Variants in VPS26A observed in about 807,000 individuals in gnomAD.
VPS26A encodes the protein VPS26 retromer complex component A, also known as vacuolar protein sorting-associated protein 26A.
Under a neutral mutation model 42.4 loss-of-function variants are expected in VPS26A, and 22 were observed. The ratio of observed to expected loss-of-function variants is 0.52; its 90% CI spans 0.37 to 0.74. VPS26A has a LOEUF of 0.74. Ranked by LOEUF, VPS26A falls within the 30% of genes least tolerant of loss-of-function variation. The pLI is 0.00. For synonymous variants in VPS26A, 110 were observed against 123.5 expected, an observed-to-expected ratio of 0.89 and a Z score of 0.73; for missense variants, 276 against 379.2, an observed-to-expected ratio of 0.73 and a Z score of 2.26.
intron 6 of VPS26A, among the ~76,000 whole-genome samples, chr10:69,163,766 C>CTTTTT (rs869154106): frequency 3.1e-4 from 42 of 133,602 alleles, no homozygotes; most frequent in Non-Finnish European, 5.8e-4. Context: ...TTTCAGTTTT[C>CTTTTT]TTTTTTTTTT....
Position 69,173,575 on chromosome 10 carries a change from T to C in VPS26A, c.*2306T>C, listed in dbSNP as rs1280269468. Among the ~76,000 whole-genome samples the C allele has an allele frequency of 6.6e-6, 1 of 152,178 alleles. No homozygotes were observed. Among genetic ancestry groups the C allele is most frequent in the East Asian group, 1.9e-4 (1 of 5,190 alleles). On this transcript the variant is annotated 3_prime_UTR_variant, in exon 9 of 9. Coordinates refer to ENST00000263559, the MANE Select transcript of VPS26A (RefSeq NM_004896.5). ...AAGCCAGCTGGACTTCTGAGTTGCG[T>C]GGGGACTTGGAGAACTTTTCTGTCT...
At chr10:69,132,358 T>C (rs1840800466) in intron 1 of VPS26A, among the ~76,000 whole-genome samples, 1 of 152,102 alleles carries the variant, frequency 6.6e-6, no homozygotes, top group East Asian at 1.9e-4. Context: ...TTTTGGTCTT[T>C]TTGGTGGTTA....
intron 5 of VPS26A, chr10:69,161,994 C>CTT (rs36040871): frequency 0.039 from 5,174 of 132,412 alleles, 366 homozygotes; most frequent in African/African-American, 0.13. Context: ...CAAAATAGTA[C>CTT]TTTTTTTTTT....
chr10:69,127,359 C>T (rs1840680381), intron 1 of VPS26A, among the ~76,000 whole-genome samples: 1 of 151,222 alleles, frequency 6.6e-6, no homozygotes, highest in Non-Finnish European at 1.5e-5. Context: ...CAAGAGCATC[C>T]TGGCTAACAC....
chr10:69,128,521 C>T (rs1220156770), intron 1 of VPS26A, among the ~76,000 whole-genome samples: 4 of 151,936 alleles, frequency 2.6e-5, no homozygotes, highest in African/African-American at 4.8e-5. Context: ...TGAGCCACCG[C>T]GCCTGGCGAT....
chr10:69,173,095 C>A lies in VPS26A; in HGVS notation c.*1826C>A, dbSNP rs1841851880. 6.6e-6 allele frequency among the ~76,000 whole-genome samples: 1 copy of A among 152,128 alleles called. No individual in the cohort carries two copies. Among genetic ancestry groups the A allele is most frequent in the Non-Finnish European group, 1.5e-5 (1 of 68,030 alleles). ...CCGTTTTGCTCAAGACTTTTTGTAG[C>A]ATAACCAATTTGAAAAAAATTCAAA... On this transcript the variant is annotated 3_prime_UTR_variant, in exon 9 of 9. Coordinates refer to ENST00000263559, the MANE Select transcript of VPS26A (RefSeq NM_004896.5).
At chr10:69,156,980 G>A in intron 3 of VPS26A, 27 bp from the exon 4 acceptor site, 1 of 1,558,052 alleles carries the variant, frequency 6.4e-7, no homozygotes, top group Non-Finnish European at 8.7e-7. Context: ...TAAATAATTG[G>A]TCTTTTTGCC....
intron 2 of VPS26A, among the ~76,000 whole-genome samples, chr10:69,149,280 A>G (rs1407514533): frequency 1.3e-5 from 2 of 152,144 alleles, no homozygotes; most frequent in African/African-American, 4.8e-5. Flanking sequence ...AATAGATACA[A>G]CTACACTTTT....
At chr10:69,168,719 G>A (rs780811582) in intron 8 of VPS26A, 88 bp downstream of exon 8, 3 of 1,476,048 alleles carry the variant, frequency 2.0e-6, no homozygotes, top group Non-Finnish European at 2.7e-6. Flanking sequence ...TGTACTGAGC[G>A]AGTGGGAGTT....
At chr10:69,168,748 C>T (rs1841749293) in intron 8 of VPS26A, 117 bp downstream of exon 8, 1 of 1,283,958 alleles carries the variant, frequency 7.8e-7, no homozygotes, top group South Asian at 1.6e-5. Flanking sequence ...AATAAAAACA[C>T]TGTGGGTATG....
intron 1 of VPS26A, among the ~76,000 whole-genome samples, chr10:69,127,079 A>G (rs1462968101): frequency 7.3e-6 from 1 of 137,280 alleles, no homozygotes; most frequent in Non-Finnish European, 1.6e-5. Context: ...GGAATGCGCC[A>G]CCACACCCGG....
intron 2 of VPS26A, among the ~76,000 whole-genome samples, chr10:69,151,274 A>AC (rs1564680867): frequency 4.4e-5 from 4 of 90,106 alleles, no homozygotes; most frequent in Admixed American, 1.2e-4. Flanking sequence ...CAAAAAAAAA[A>AC]AAAAAAAAAC....
intron 2 of VPS26A, among the ~76,000 whole-genome samples, chr10:69,152,863 A>G (rs1841345473): frequency 6.6e-6 from 1 of 151,796 alleles, no homozygotes; most frequent in Non-Finnish European, 1.5e-5. Context: ...CCAGCCACCC[A>G]GGAGGCTGAG....
intron 1 of VPS26A, among the ~76,000 whole-genome samples, chr10:69,127,909 G>C (rs1380180548): frequency 1.3e-5 from 2 of 151,622 alleles, no homozygotes; most frequent in East Asian, 3.9e-4. Context: ...TATTGACGAA[G>C]CTGGTCTTGA....
chr10:69,142,270 AT>A (rs1841062146), intron 2 of VPS26A, among the ~76,000 whole-genome samples: 1 of 137,282 alleles, frequency 7.3e-6, no homozygotes, highest in Admixed American at 8.2e-5. Flanking sequence ...CTGCAGCCTC[AT>A]CCCCCTGGGG....
Position 69,168,542 on chromosome 10 carries a change from A to G in VPS26A, c.781A>G (p.Met261Val). Residue 261 changes from methionine to valine, a missense_variant, in exon 8 of 9, where the codon ATG becomes GTG. Physicochemically the swap from Met to Val is conservative, Grantham distance 21. Transcript: ENST00000263559. ...FLAGYDPTPT[M>V]RDVNKKFSVR... Reference sequence around the variant, plus strand: ...AGCAGGATATGACCCAACTCCAACAATGAGAGATGTGAACAAAAAATTTTC... The same window carrying G: ...AGCAGGATATGACCCAACTCCAACAGTGAGAGATGTGAACAAAAAATTTTC... The G allele has an allele frequency of 4.3e-6, 7 of 1,614,134 alleles. No individual in the cohort carries two copies. Among genetic ancestry groups the G allele is most frequent in the Non-Finnish European group, 5.9e-6 (7 of 1,180,004 alleles).
intron 2 of VPS26A, among the ~76,000 whole-genome samples, chr10:69,142,119 A>T (rs1198993351): frequency 2.0e-5 from 3 of 149,776 alleles, no homozygotes; most frequent in Non-Finnish European, 4.4e-5. Context: ...TCTTGACCTC[A>T]TGATCTGCCT....
chr10:69,132,552 CCT>C (rs757482284), intron 1 of VPS26A, among the ~76,000 whole-genome samples: 136 of 152,046 alleles, frequency 8.9e-4, no homozygotes, highest in Non-Finnish European at 1.5e-3. Context: ...AAGTGATTCC[CCT>C]GTCTCAGCCT....
chr10:69,151,085 G>A (rs1223751369), intron 2 of VPS26A, among the ~76,000 whole-genome samples: 2 of 151,588 alleles, frequency 1.3e-5, no homozygotes, highest in Non-Finnish European at 2.9e-5. Flanking sequence ...CTAACATGGT[G>A]AAACCCCGTC....
Sources: allele counts gnomAD v4.1 joint callset (sites outside exome capture counted in the v4.1 genomes callset), GRCh38; gene constraint gnomAD v4.1.1; transcripts MANE v1.5; gene names NCBI Gene and HGNC (gene_info 2026-07-23, HGNC 2026-07-21).